Variants in ZSCAN5A observed in about 807,000 individuals in gnomAD.
ZSCAN5A encodes the protein zinc finger and SCAN domain-containing protein 5A.
ZSCAN5A carries 12 observed loss-of-function variants against 23.7 expected under a neutral mutation model. That is an observed-to-expected ratio of 0.51 (90% confidence interval 0.32 to 0.82). The LOEUF (loss-of-function observed/expected upper bound fraction) is 0.82, where lower values mean the gene tolerates loss of function less well. ZSCAN5A is among the 40% of genes least tolerant of loss of function. The pLI, the probability that ZSCAN5A is intolerant of heterozygous loss-of-function variation, is 0.03. For missense variants in ZSCAN5A, 597 were observed against 617.9 expected, an observed-to-expected ratio of 0.97 and a Z score of 0.36; for synonymous variants, 257 against 239.9, an observed-to-expected ratio of 1.07 and a Z score of -0.66.
At chr19:56,311,845 G>T (rs1471310835) in intron 2 of ZSCAN5A, 1 of 151,952 alleles carries the variant, frequency 6.6e-6, no homozygotes, top group Non-Finnish European at 1.5e-5. Flanking sequence ...ACCCCGACAG[G>T]CCCCAGTGCG....
chr19:56,263,108 T>C (rs1428238800), intron 2 of ZSCAN5A: 3 of 152,236 alleles, frequency 2.0e-5, no homozygotes, highest in East Asian at 3.8e-4. Flanking sequence ...TTTGCCCTTC[T>C]TGGGGCCAGG....
chr19:56,336,962 A>G (rs2041543909), intron 2 of ZSCAN5A, among the ~76,000 whole-genome samples: 1 of 152,150 alleles, frequency 6.6e-6, no homozygotes, highest in Non-Finnish European at 1.5e-5. Context: ...TCAGAGGAGT[A>G]CCCAGCCGTG....
upstream of ZSCAN5A, chr19:56,315,062 T>C (rs1460530147): frequency 6.6e-6 from 1 of 152,182 alleles, no homozygotes; most frequent in African/African-American, 2.4e-5. Flanking sequence ...CTAAGCTGCT[T>C]TTTACTAAAA....
rs1017137311 is a variant in ZSCAN5A, at chr19:56,352,056, C to T, written c.-358+11179G>A. On this transcript the variant is annotated intron_variant, in intron 2 of 6. Coordinates refer to the ZSCAN5A transcript ENST00000587340. This position sits in a 1 kb window ranked among gnomAD's most constrained non-coding sequence, Gnocchi z 4.2. ...ACTGATGGAGTGCCTTCTTTATGCC[C>T]TGCGCTTGGGTATGCTTTGGTGGAT... Among the ~76,000 whole-genome samples, 130 of 152,224 alleles carry T rather than the reference C, an allele frequency of 8.5e-4. No individual in the cohort carries two copies. Among genetic ancestry groups the T allele is most frequent in the African/African-American group, 3.0e-3 (126 of 41,522 alleles).
At chr19:56,259,641 C>A (rs565418155) in intron 2 of ZSCAN5A, among the ~76,000 whole-genome samples, 10 of 152,160 alleles carry the variant, frequency 6.6e-5, no homozygotes, top group Non-Finnish European at 1.3e-4. Flanking sequence ...GTTTCATACT[C>A]AGGATTTGTG....
chr19:56,340,286 A>G (rs894838508), intron 2 of ZSCAN5A, among the ~76,000 whole-genome samples: 3 of 152,080 alleles, frequency 2.0e-5, no homozygotes, highest in African/African-American at 4.8e-5. Context: ...CTGTCAGCAA[A>G]ATGTCTCTCA....
chr19:56,246,707 T>G, intron 2 of ZSCAN5A: 1 of 1,108,254 alleles, frequency 9.0e-7, no homozygotes, highest in East Asian at 2.4e-5. Flanking sequence ...TATTAACTGT[T>G]GTGTGTGGAA....
chr19:56,225,288 G>T, intron 2 of ZSCAN5A, 115 bp from the exon 3 acceptor site: 2 of 1,023,190 alleles, frequency 2.0e-6, no homozygotes, highest in Non-Finnish European at 2.6e-6. Context: ...TCAGCACAGT[G>T]GAAATCTTCC....
intron 2 of ZSCAN5A, among the ~76,000 whole-genome samples, chr19:56,327,896 AAT>A (rs1248802416): frequency 2.0e-5 from 3 of 152,158 alleles, no homozygotes; most frequent in Non-Finnish European, 4.4e-5. Context: ...CATGTAAATG[AAT>A]ATGTGTAGTA....
intron 2 of ZSCAN5A, among the ~76,000 whole-genome samples, chr19:56,240,458 A>C (rs2035343160): frequency 6.6e-6 from 1 of 152,124 alleles, no homozygotes; most frequent in Admixed American, 6.6e-5. Context: ...CTTCTCCATA[A>C]ATAGGCGCAG....
intron 2 of ZSCAN5A, among the ~76,000 whole-genome samples, chr19:56,228,682 C>T (rs2034201826): frequency 1.3e-5 from 2 of 151,534 alleles, no homozygotes; most frequent in Admixed American, 1.3e-4. Context: ...GCAAAGCTCT[C>T]ACATATGAAT....
chr19:56,299,549 A>G (rs1337584493), intron 2 of ZSCAN5A, among the ~76,000 whole-genome samples: 3 of 152,140 alleles, frequency 2.0e-5, no homozygotes, highest in African/African-American at 4.8e-5. Context: ...AAGGTAAAAC[A>G]CAGTTGTCCC....
intron 2 of ZSCAN5A, chr19:56,246,690 T>C (rs1340404122): frequency 2.0e-5 from 20 of 989,590 alleles, no homozygotes; most frequent in Non-Finnish European, 2.8e-5. Context: ...GTATTGAAAA[T>C]GTACCTTATT....
intron 2 of ZSCAN5A, among the ~76,000 whole-genome samples, chr19:56,303,495 AGAAGGAAAG>A (rs375036911): frequency 5.1e-4 from 74 of 145,774 alleles, no homozygotes; most frequent in Admixed American, 2.8e-3. Context: ...AGAAAAAAAA[AGAAGGAAAG>A]GAAGGAAAGG....
At chr19:56,328,994 C>CAAAAAA (rs61646242) in intron 2 of ZSCAN5A, among the ~76,000 whole-genome samples, 1 of 106,380 alleles carries the variant, frequency 9.4e-6, no homozygotes, top group African/African-American at 3.0e-5. Context: ...GACTCCGTCT[C>CAAAAAA]AAAAAAAAAA....
intron 2 of ZSCAN5A, chr19:56,338,508 G>T (rs750550814): frequency 6.6e-6 from 1 of 152,172 alleles, no homozygotes; most frequent in East Asian, 1.9e-4. Flanking sequence ...TGCTGAAGGT[G>T]AGACATTTGG....
intron 2 of ZSCAN5A, chr19:56,272,972 G>A: frequency 9.5e-6 from 8 of 844,272 alleles, no homozygotes; most frequent in Non-Finnish European, 1.1e-5. Flanking sequence ...TACAACTTGG[G>A]AGGCTCTTGT....
chr19:56,222,671 G>T lies in ZSCAN5A; in HGVS notation c.659C>A (p.Thr220Asn), dbSNP rs2033399244. ...GDPKSLRPKQTLEKDLKENRE... is the reference protein window; with the variant it reads ...GDPKSLRPKQNLEKDLKENRE... The stretch of plus-strand genomic sequence containing the variant: ...GTTTTCCTTCAGATCCTTCTCCAAG[G>T]TCTGCTTGGGTCTCAGAGACTTTGG... Residue 220 changes from threonine (T) to asparagine (N), a missense_variant, in exon 5 of 6, where the codon ACC becomes AAC. By Grantham distance (65) the Thr-to-Asn change is moderately conservative. This residue lies in a region of ZSCAN5A where 406 missense variants were observed against 353.2 expected (regional missense o/e 1.15). Transcript: ENST00000683990. 1.2e-6 allele frequency: 2 copies of T among 1,614,024 alleles called. No homozygotes were observed. The highest frequency in any genetic ancestry group is 2.2e-5 in the South Asian group (2 of 91,082).
chr19:56,301,813 G>A, intron 2 of ZSCAN5A: 1 of 762,382 alleles, frequency 1.3e-6, no homozygotes, highest in Non-Finnish European at 1.8e-6. Flanking sequence ...GAAGGGGGAA[G>A]CTGGCAGTGA....
Sources: gnomAD v4.1 joint callset for allele counts (sites outside exome capture counted in the v4.1 genomes callset) on GRCh38, gnomAD v4.1.1 for gene constraint, gnomAD v4.1.1 regional missense constraint, Gnocchi (gnomAD v3.1) non-coding constraint, MANE v1.5 for transcripts, NCBI Gene and HGNC (gene_info 2026-07-23, HGNC 2026-07-21) for gene names.